The following CPQ variants were observed in gnomAD, a reference collection of about 807,000 sequenced individuals.
CPQ encodes the protein carboxypeptidase Q.
In CPQ, 37 loss-of-function variants were observed where a neutral mutation model predicts 45.7. That is an observed-to-expected ratio of 0.81 (90% confidence interval 0.62 to 1.07). The LOEUF (loss-of-function observed/expected upper bound fraction) is 1.07. CPQ is among the 50% of genes least tolerant of loss of function. CPQ has a pLI of 0.00. For missense variants in CPQ, 537 were observed against 572.9 expected, an observed-to-expected ratio of 0.94 and a Z score of 0.64; for synonymous variants, 186 against 205.8, an observed-to-expected ratio of 0.90 and a Z score of 0.82.
rs1812195595 is a variant in CPQ at position 97,143,114 on chromosome 8, T to G, written c.1350T>G (p.Val450=). 1 of 1,614,024 alleles carries G rather than the reference T, an allele frequency of 6.2e-7. No homozygotes were observed. The highest frequency in any genetic ancestry group is 8.5e-7 in the Non-Finnish European group (1 of 1,179,906). The change falls in exon 8 of 8, where the codon GTT becomes GTG. Residue 450 remains valine, a synonymous_variant. Coordinates refer to ENST00000220763, the MANE Select transcript of CPQ (RefSeq NM_016134.4). ...TCATGGATCCAAAGCAGATGAATGT[T>G]GCTGCTGCTGTTTGGGCTGTTGTTT... ...MTVMDPKQMN[V]AAAVWAVVSY...
chr8:97,099,720 G>T (rs73268772), intron 7 of CPQ, among the ~76,000 whole-genome samples: 2,709 of 152,236 alleles, frequency 0.018, 69 homozygotes, highest in African/African-American at 0.061. Flanking sequence ...TCCCAAGTGT[G>T]CTGGGACTTT....
intron 7 of CPQ, among the ~76,000 whole-genome samples, chr8:97,119,618 T>G (rs566761536): frequency 3.9e-5 from 6 of 152,200 alleles, no homozygotes; most frequent in Non-Finnish European, 7.4e-5. Flanking sequence ...AAATGATGAC[T>G]GATGTGTTAT....
intron 1 of CPQ, among the ~76,000 whole-genome samples, chr8:96,670,004 C>G (rs572431833): frequency 6.6e-6 from 1 of 152,298 alleles, no homozygotes; most frequent in African/African-American, 2.4e-5. Flanking sequence ...TATATATTAT[C>G]GATTCATTAA....
intron 1 of CPQ, among the ~76,000 whole-genome samples, chr8:96,655,176 T>C (rs1310113684): frequency 6.6e-6 from 1 of 152,140 alleles, no homozygotes; most frequent in Non-Finnish European, 1.5e-5. Context: ...CATTTTTCTC[T>C]CTCTTCGTCT....
intron 4 of CPQ, among the ~76,000 whole-genome samples, chr8:96,903,836 A>C (rs190393397): frequency 9.2e-5 from 14 of 152,312 alleles, no homozygotes; most frequent in Middle Eastern, 6.8e-3. Flanking sequence ...ATATGGAGAA[A>C]AAAATATGGC....
chr8:97,040,981 C>T (rs1348741633), intron 6 of CPQ, among the ~76,000 whole-genome samples: 1 of 151,672 alleles, frequency 6.6e-6, no homozygotes, highest in Non-Finnish European at 1.5e-5. Flanking sequence ...TTTTTTGGTT[C>T]CATATGAACT....
intron 1 of CPQ, among the ~76,000 whole-genome samples, chr8:96,722,764 G>C (rs55738970): frequency 2.6e-4 from 40 of 152,020 alleles, no homozygotes; most frequent in Admixed American, 4.6e-4. Context: ...ACTCCTCTCC[G>C]TATAGTGACT....
At chr8:96,694,734 A>G (rs1051345156) in intron 1 of CPQ, among the ~76,000 whole-genome samples, 6 of 152,170 alleles carry the variant, frequency 3.9e-5, no homozygotes, top group Non-Finnish European at 7.4e-5. Context: ...TAATGGAAAC[A>G]CAACATACCA....
At chr8:96,792,954 G>A (rs530651642) in intron 2 of CPQ, among the ~76,000 whole-genome samples, 32 of 152,212 alleles carry the variant, frequency 2.1e-4, no homozygotes, top group Admixed American at 3.3e-4. Flanking sequence ...AGTGGCAAGC[G>A]AAGGGGAAAG....
At chr8:96,817,712 C>T (rs184400104) in intron 2 of CPQ, among the ~76,000 whole-genome samples, 1 of 152,050 alleles carries the variant, frequency 6.6e-6, no homozygotes, top group African/African-American at 2.4e-5. Context: ...CTCCCAGGCT[C>T]AAGCAATCCT....
rs1216937498 is a variant in CPQ, at chr8:96,719,102, G to C, written c.-34-65762G>C. On this transcript the variant is annotated intron_variant, in intron 1 of 7. Transcript: ENST00000220763. ...GTGCGCTCGCACTCCTCAGCCCTTG[G>C]GTGGTCGATAGGACTGGGTGCCGTG... 5.3e-5 allele frequency among the ~76,000 whole-genome samples: 8 copies of C among 152,234 alleles called. No homozygotes were observed. The East Asian group carries it at 1.5e-3, about 29-fold the overall frequency.
chr8:96,896,590 G>A (rs1457776215), intron 4 of CPQ, among the ~76,000 whole-genome samples: 1 of 152,016 alleles, frequency 6.6e-6, no homozygotes, highest in Non-Finnish European at 1.5e-5. Context: ...AGCACTGATT[G>A]CTCATCAGAC....
intron 5 of CPQ, among the ~76,000 whole-genome samples, chr8:96,983,549 C>T (rs1813944458): frequency 6.6e-6 from 1 of 152,032 alleles, no homozygotes; most frequent in South Asian, 2.1e-4. Context: ...ATATAGCCTC[C>T]CTTTGCTGGG....
intron 2 of CPQ, among the ~76,000 whole-genome samples, chr8:96,792,804 G>A (rs1266642144): frequency 6.6e-6 from 1 of 152,128 alleles, no homozygotes; most frequent in Non-Finnish European, 1.5e-5. Context: ...TTCTCATGCT[G>A]CTATGAAGTA....
At chr8:96,998,421 A>C (rs1464266245) in intron 5 of CPQ, among the ~76,000 whole-genome samples, 1 of 151,970 alleles carries the variant, frequency 6.6e-6, no homozygotes, top group African/African-American at 2.4e-5. Context: ...AGAAATTACC[A>C]AACTGTGCAA....
chr8:96,701,891 T>G (rs1245960878), intron 1 of CPQ, among the ~76,000 whole-genome samples: 1 of 152,188 alleles, frequency 6.6e-6, no homozygotes, highest in Non-Finnish European at 1.5e-5. Flanking sequence ...CACTCATCCC[T>G]TCTACTAATT....
intron 7 of CPQ, among the ~76,000 whole-genome samples, chr8:97,113,989 C>T (rs1174770684): frequency 2.0e-5 from 3 of 152,180 alleles, no homozygotes; most frequent in African/African-American, 4.8e-5. Context: ...TAGGTTCCTA[C>T]CTGTCTCTTT....
At chr8:96,708,389 G>A (rs1809560963) in intron 1 of CPQ, among the ~76,000 whole-genome samples, 1 of 151,172 alleles carries the variant, frequency 6.6e-6, no homozygotes, top group Non-Finnish European at 1.5e-5. Flanking sequence ...TAAATTTGGA[G>A]CCATTTAATG....
intron 1 of CPQ, among the ~76,000 whole-genome samples, chr8:96,687,753 A>G (rs1457613190): frequency 6.6e-6 from 1 of 152,106 alleles, no homozygotes; most frequent in African/African-American, 2.4e-5. Context: ...AACTTAACAG[A>G]ATTTTAAAAT....
Sources: gnomAD v4.1 joint callset for allele counts (sites outside exome capture counted in the v4.1 genomes callset) on GRCh38, gnomAD v4.1.1 for gene constraint, MANE v1.5 for transcripts, NCBI Gene and HGNC (gene_info 2026-07-23, HGNC 2026-07-21) for gene names.